The following PTPRR variants were observed in gnomAD, a reference collection of about 807,000 sequenced individuals.
PTPRR encodes protein tyrosine phosphatase receptor type R, also known as receptor-type tyrosine-protein phosphatase R.
In PTPRR, 38 loss-of-function variants were observed where a neutral mutation model predicts 77.2. The observed-to-expected ratio is 0.49, with a 90% CI of 0.38 to 0.65. The LOEUF (loss-of-function observed/expected upper bound fraction) is 0.65, where lower values mean the gene tolerates loss of function less well. Ranked by LOEUF, PTPRR falls within the 30% of genes least tolerant of loss-of-function variation. PTPRR has a pLI of 0.00. For synonymous variants in PTPRR, 299 were observed against 283.1 expected (o/e 1.06, Z -0.57); for missense variants, 744 against 799.2 (o/e 0.93, Z 0.83).
intron 1 of PTPRR, among the ~76,000 whole-genome samples, chr12:70,914,410 A>G (rs1039571459): frequency 6.6e-6 from 1 of 152,202 alleles, no homozygotes; most frequent in Non-Finnish European, 1.5e-5. Flanking sequence ...TAAATTTGAT[A>G]GGAGGTCATC....
At chr12:70,824,882 G>A (rs1357461549) in intron 2 of PTPRR, among the ~76,000 whole-genome samples, 1 of 152,176 alleles carries the variant, frequency 6.6e-6, no homozygotes, top group African/African-American at 2.4e-5. Context: ...CATCTTAAGT[G>A]CTTATTAAGA....
At chr12:70,702,392 A>G (rs1402303607) in intron 6 of PTPRR, among the ~76,000 whole-genome samples, 1 of 152,068 alleles carries the variant, frequency 6.6e-6, no homozygotes, top group African/African-American at 2.4e-5. Context: ...AGTGCCAAGC[A>G]GTTGGCGGCT....
intron 2 of PTPRR, among the ~76,000 whole-genome samples, chr12:70,800,615 C>T (rs1592764559): frequency 6.6e-6 from 1 of 152,108 alleles, no homozygotes; most frequent in East Asian, 1.9e-4. Flanking sequence ...ATTAATGAGG[C>T]CAGGCATGGT....
At chr12:70,789,090 ATT>A in intron 2 of PTPRR, 1 of 423,884 alleles carries the variant, frequency 2.4e-6, no homozygotes, top group Non-Finnish European at 4.1e-6. Flanking sequence ...ATTCATGGGG[ATT>A]TTTTTTTTCC....
intron 2 of PTPRR, among the ~76,000 whole-genome samples, chr12:70,837,106 A>T (rs1029055648): frequency 1.3e-5 from 2 of 151,796 alleles, no homozygotes; most frequent in African/African-American, 2.4e-5. Flanking sequence ...CAAAAGGCTT[A>T]AAAAAAAGGC....
intron 2 of PTPRR, among the ~76,000 whole-genome samples, chr12:70,861,269 A>G (rs1421139139): frequency 6.6e-6 from 1 of 152,112 alleles, no homozygotes; most frequent in Non-Finnish European, 1.5e-5. Flanking sequence ...AAGACAGAGT[A>G]TCTCATAGCA....
At chr12:70,734,840 C>T (rs1889806666) in intron 6 of PTPRR, among the ~76,000 whole-genome samples, 1 of 152,124 alleles carries the variant, frequency 6.6e-6, no homozygotes, top group Admixed American at 6.6e-5. Context: ...CCTTTTTAGG[C>T]AAAGCTCCTC....
At chr12:70,771,203 C>T (rs77708958) in intron 2 of PTPRR, among the ~76,000 whole-genome samples, 8,960 of 151,030 alleles carry the variant, frequency 0.059, 304 homozygotes, top group East Asian at 0.097. Context: ...TTATATACAC[C>T]ATGGAACATT....
intron 2 of PTPRR, among the ~76,000 whole-genome samples, chr12:70,855,765 T>C (rs370244888): frequency 6.6e-6 from 1 of 152,216 alleles, no homozygotes; most frequent in African/African-American, 2.4e-5. Context: ...AGAAAAGTTA[T>C]TCGTTTTTAA....
chr12:70,863,358 G>C (rs1264381501), intron 2 of PTPRR, among the ~76,000 whole-genome samples: 1 of 152,084 alleles, frequency 6.6e-6, no homozygotes, highest in African/African-American at 2.4e-5. Context: ...TTGCAATTAA[G>C]ATTCAAAAAG....
At chr12:70,886,830 A>G (rs1893248112) in intron 2 of PTPRR, among the ~76,000 whole-genome samples, 1 of 152,204 alleles carries the variant, frequency 6.6e-6, no homozygotes, top group South Asian at 2.1e-4. Context: ...ATGAGCCCCT[A>G]TATCATTGTG....
intron 2 of PTPRR, among the ~76,000 whole-genome samples, chr12:70,768,199 C>A (rs1334586692): frequency 3.3e-5 from 5 of 151,756 alleles, no homozygotes; most frequent in Non-Finnish European, 5.9e-5. Context: ...ACACAAAAAA[C>A]CCTTCAAAAA....
At chr12:70,790,784 G>A (rs967448892) in intron 2 of PTPRR, among the ~76,000 whole-genome samples, 14 of 152,100 alleles carry the variant, frequency 9.2e-5, no homozygotes, top group Non-Finnish European at 1.6e-4. Context: ...GGAGGTTGCA[G>A]TGAGCCAAGA....
chr12:70,653,101 A>G (rs1886455275), intron 13 of PTPRR, among the ~76,000 whole-genome samples: 2 of 152,150 alleles, frequency 1.3e-5, no homozygotes, highest in Non-Finnish European at 2.9e-5. Context: ...ACAAGAACAC[A>G]GGACTCCAAG....
intron 2 of PTPRR, among the ~76,000 whole-genome samples, chr12:70,773,023 C>A (rs932299817): frequency 5.9e-5 from 9 of 152,092 alleles, no homozygotes; most frequent in African/African-American, 2.2e-4. Context: ...TGTTTGCCAG[C>A]AATCCTTGGG....
rs951839292 is a variant in PTPRR at position 70,724,812 on chromosome 12, TAC to T, written c.1007+21004_1007+21005del. 2.3e-3 allele frequency among the ~76,000 whole-genome samples: 354 copies of T among 151,756 alleles called. 3 individuals are homozygous for T. Among genetic ancestry groups the T allele is most frequent in the African/African-American group, 7.1e-3 (293 of 41,402 alleles). The stretch of plus-strand genomic sequence containing the variant: ...GTATGTAAGTCTGGATATATATATA[TAC>T]ACACACACACACATATATATATTTA... On this transcript the variant is annotated intron_variant, in intron 6 of 13. Coordinates refer to ENST00000283228, the MANE Select transcript of PTPRR (RefSeq NM_002849.4).
intron 6 of PTPRR, among the ~76,000 whole-genome samples, chr12:70,713,271 A>T (rs1022028252): frequency 2.6e-5 from 4 of 152,170 alleles, no homozygotes; most frequent in African/African-American, 9.7e-5. Context: ...GTATGGATAC[A>T]CCCACATTTT....
chr12:70,697,805 T>C (rs536258217), intron 8 of PTPRR, among the ~76,000 whole-genome samples: 41 of 152,062 alleles, frequency 2.7e-4, no homozygotes, highest in South Asian at 1.9e-3. Context: ...CTTTTTCCCA[T>C]TGAATTGTTT....
At chr12:70,810,359 T>G (rs1469151522) in intron 2 of PTPRR, among the ~76,000 whole-genome samples, 1 of 149,926 alleles carries the variant, frequency 6.7e-6, no homozygotes, top group African/African-American at 2.5e-5. Context: ...TTCCTAACAT[T>G]AGGTAGTAAT....
Sources: allele counts gnomAD v4.1 joint callset (sites outside exome capture counted in the v4.1 genomes callset), GRCh38; gene constraint gnomAD v4.1.1; transcripts MANE v1.5; gene names NCBI Gene and HGNC (gene_info 2026-07-23, HGNC 2026-07-21).